The following CREBZF variants were observed in gnomAD, a reference collection of about 807,000 sequenced individuals.
CREBZF encodes the protein CREB/ATF bZIP transcription factor.
Under a neutral mutation model 21.1 loss-of-function variants are expected in CREBZF, and 8 were observed. The ratio of observed to expected loss-of-function variants is 0.38; its 90% CI spans 0.22 to 0.68. The LOEUF is 0.68. Among genes scored for constraint, CREBZF ranks in the 30% least tolerant of loss-of-function variants. The probability of loss-of-function intolerance (pLI) is 0.51; values close to 1 mark genes in which losing one functional copy is unlikely to be tolerated. For missense variants in CREBZF, 518 were observed against 484.3 expected (o/e 1.07, Z -0.65); for synonymous variants, 270 against 223.3 (o/e 1.21, Z -1.86).
At chr11:85,670,580 C>T (rs550556937) in intron 1 of CREBZF, among the ~76,000 whole-genome samples, 5 of 152,208 alleles carry the variant, frequency 3.3e-5, no homozygotes, top group Non-Finnish European at 5.9e-5. Context: ...GGATTACAGG[C>T]GTGAGCCACT....
chr11:85,664,297 G>A lies in CREBZF; in HGVS notation c.579C>T (p.Gly193=), dbSNP rs1478270752. The change falls in exon 1 of 1, where the codon GGC becomes GGT. Residue 193 remains glycine (G), a synonymous_variant. Coordinates refer to ENST00000527447, the MANE Select transcript of CREBZF (RefSeq NM_001039618.4). This position sits in a 1 kb window ranked among gnomAD's most constrained non-coding sequence, Gnocchi z 5.5. ...EKRRRKSPGG[G]GGGGSGNDNN... is the part of the protein sequence containing the mutation. ...TGTCGTTACCGCTGCCGCCACCGCC[G>A]CCTCCTCCTGGGGACTTTCTCCGCC... The A allele has an allele frequency of 1.2e-6, 2 of 1,612,000 alleles. No homozygotes were observed. Among genetic ancestry groups the A allele is most frequent in the East Asian group, 2.2e-5 (1 of 44,780 alleles).
upstream of CREBZF, among the ~76,000 whole-genome samples, chr11:85,668,708 T>C (rs1176850789): frequency 2.0e-5 from 3 of 151,840 alleles, no homozygotes; most frequent in Non-Finnish European, 4.4e-5. Context: ...TTTTATTAGA[T>C]TAAGAAACAT....
chr11:85,671,342 G>C (rs181103691), intron 1 of CREBZF, among the ~76,000 whole-genome samples: 7 of 152,272 alleles, frequency 4.6e-5, no homozygotes, highest in Non-Finnish European at 8.8e-5. Flanking sequence ...AGTTCAAGAT[G>C]ACATTTGGGT....
chr11:85,680,203 T>C (rs957093450), intron 1 of CREBZF, among the ~76,000 whole-genome samples: 1 of 152,238 alleles, frequency 6.6e-6, no homozygotes, highest in African/African-American at 2.4e-5. Context: ...GTTGTGTTTT[T>C]TTCTGCATAT....
intron 1 of CREBZF, among the ~76,000 whole-genome samples, chr11:85,681,548 C>T (rs2082976523): frequency 6.6e-6 from 1 of 152,102 alleles, no homozygotes; most frequent in Admixed American, 6.6e-5. Flanking sequence ...CTTAGGGCAC[C>T]CTGAAGAGCT....
chr11:85,664,205 T>C lies in CREBZF; in HGVS notation c.671A>G (p.Lys224Arg). 6.2e-7 allele frequency: 1 copy of C among 1,613,154 alleles called. No homozygotes were observed. ...CAGCCCCATCACGTACTCCTTCTTC[T>C]TCAGTCGATTAAGGCGGGCAGCGGC... ...AAAAARLNRL[K>R]KKEYVMGLES... Residue 224 changes from lysine to arginine, a missense_variant, in exon 1 of 1, where the codon AAG becomes AGG. Transcript: ENST00000527447. This position sits in a 1 kb window ranked among gnomAD's most constrained non-coding sequence, Gnocchi z 5.5.
chr11:85,664,800 C>A lies in CREBZF; in HGVS notation c.76G>T (p.Ala26Ser). Residue 26 changes from alanine (A) to serine (S), a missense_variant, in exon 1 of 1, where the codon GCT becomes TCT. Coordinates refer to ENST00000527447, the MANE Select transcript of CREBZF (RefSeq NM_001039618.4). This position sits in a 1 kb window ranked among gnomAD's most constrained non-coding sequence, Gnocchi z 5.5. The stretch of plus-strand genomic sequence containing the variant: ...TCAGAGGGCAGCGAACAAGTTGCAG[C>A]CGGCTCCGGGCTCTCACTGCGGGTT... ...SPTRSESPEPAATCSLPSDLT... is the reference protein window; with the variant it reads ...SPTRSESPEPSATCSLPSDLT... The A allele has an allele frequency of 1.3e-6, 2 of 1,577,696 alleles. No individual in the cohort carries two copies. The highest frequency in any genetic ancestry group is 2.3e-5 in the South Asian group (2 of 86,994).
At position 85,659,601 on chromosome 11, in the gene CREBZF, C is replaced by T. The variant is rs978014870; in HGVS notation, c.*4210G>A. ...GCCAATCTCCTACCCAATCCCTCTT[C>T]TATCAGCTGCACATTTCCAAGTAAG... On this transcript the variant is annotated 3_prime_UTR_variant, in exon 1 of 1. Coordinates refer to ENST00000527447, the MANE Select transcript of CREBZF (RefSeq NM_001039618.4). 1.3e-5 allele frequency: 2 copies of T among 152,080 alleles called. No homozygotes were observed. Among genetic ancestry groups the T allele is most frequent in the African/African-American group, 4.8e-5 (2 of 41,430 alleles). The allele number at this position is 152,080 out of a possible 1,614,324, so 9.4% of individuals were successfully genotyped here.
chr11:85,663,931 C>T lies in CREBZF; in HGVS notation c.945G>A (p.Gln315=), dbSNP rs780196227. 1 of 1,613,930 alleles carries T rather than the reference C, an allele frequency of 6.2e-7. No homozygotes were observed. The highest frequency in any genetic ancestry group is 8.5e-7 in the Non-Finnish European group (1 of 1,180,028). Residue 315 remains glutamine (Q), a synonymous_variant, in exon 1 of 1, where the codon CAG becomes CAA. Transcript: ENST00000527447. The part of the protein sequence containing the change: ...DYALPVGKQK[Q]DLLEEDDSAG... ...CCGAGTCGTCCTCTTCCAGCAGGTC[C>T]TGCTTCTGCTTTCCCACCGGCAGAG...
chr11:85,660,973 T>C lies in CREBZF; in HGVS notation c.*2838A>G, dbSNP rs2082658669. 4 of 154,130 alleles carry C rather than the reference T, an allele frequency of 2.6e-5. No homozygotes were observed. The Admixed American group carries it at 2.6e-4, about 10-fold the overall frequency. The allele number at this position is 154,130 out of a possible 1,614,324, so 9.5% of individuals were successfully genotyped here. A position where few individuals can be genotyped will look rare whatever the true frequency, so the allele number is the denominator to read the frequency against. ...CAGTAAATAGAGCCAAACCTAGAAATTTCAAAAACAATCCATTTTATATTC... is the reference window on the plus strand; with the variant it reads ...CAGTAAATAGAGCCAAACCTAGAAACTTCAAAAACAATCCATTTTATATTC... On this transcript the variant is annotated 3_prime_UTR_variant, in exon 1 of 1. Coordinates refer to ENST00000527447, the MANE Select transcript of CREBZF (RefSeq NM_001039618.4).
rs1174614651 is a variant in CREBZF at position 85,664,694 on chromosome 11, C to T, written c.182G>A (p.Gly61Glu). 2 of 1,604,174 alleles carry T rather than the reference C, an allele frequency of 1.2e-6. No individual in the cohort carries two copies. The highest frequency in any genetic ancestry group is 1.7e-6 in the Non-Finnish European group (2 of 1,176,398). Residue 61 changes from glycine (G) to glutamate (E), a missense_variant, in exon 1 of 1, where the codon GGA becomes GAA. This residue lies in a region of CREBZF where 396 missense variants were observed against 324.4 expected (regional missense o/e 1.22). Transcript: ENST00000527447. The surrounding 1 kb of genome is among the most constrained non-coding windows in gnomAD (Gnocchi z 5.5). ...GCTCCCCCTCCCGGCTTCCAACTCT[C>T]CTTCGTCGCCAAACTGCTGCTTGCG... ...PGRKQQFGDE[G>E]ELEAGRGSRG...
Position 85,662,688 on chromosome 11 carries a change from A to C in CREBZF, c.*1123T>G. Reference sequence around the variant, plus strand: ...AAAAAATTATTTTAAAATAGGACAAATACTTTTGAAACACAGAGAATAAGA... The same window carrying C: ...AAAAAATTATTTTAAAATAGGACAACTACTTTTGAAACACAGAGAATAAGA... On this transcript the variant is annotated 3_prime_UTR_variant, in exon 1 of 1. Transcript: ENST00000527447. The C allele has an allele frequency of 2.7e-6, 1 of 376,250 alleles. No homozygotes were observed. Among genetic ancestry groups the C allele is most frequent in the Non-Finnish European group, 4.8e-6 (1 of 210,350 alleles). 23.3% of individuals were successfully genotyped at this position (376,250 alleles called of 1,614,324 possible).
chr11:85,670,461 G>A (rs995760415), intron 1 of CREBZF, among the ~76,000 whole-genome samples: 4 of 151,270 alleles, frequency 2.6e-5, no homozygotes, highest in Non-Finnish European at 4.4e-5. Flanking sequence ...CTACCACCAC[G>A]CCCAACTAAT....
rs1480210917 is a variant in CREBZF at position 85,661,633 on chromosome 11, T to A, written c.*2178A>T. ...TGTTATAGTTTTTAGAAAAATGAACTTACTGCTTTCCAGAACCTTTTAAGA... is the reference window on the plus strand; with the variant it reads ...TGTTATAGTTTTTAGAAAAATGAACATACTGCTTTCCAGAACCTTTTAAGA... On this transcript the variant is annotated 3_prime_UTR_variant, in exon 1 of 1. Transcript: ENST00000527447. 1 of 152,596 alleles carries A rather than the reference T, an allele frequency of 6.6e-6. No individual in the cohort carries two copies. The highest frequency in any genetic ancestry group is 2.4e-5 in the African/African-American group (1 of 41,460). The allele number at this position is 152,596 out of a possible 1,614,324, so 9.5% of individuals were successfully genotyped here. A position where few individuals can be genotyped will look rare whatever the true frequency, so the allele number is the denominator to read the frequency against.
At position 85,661,830 on chromosome 11, in the gene CREBZF, A is replaced by C. The variant is rs1273261691; in HGVS notation, c.*1981T>G. On this transcript the variant is annotated 3_prime_UTR_variant, in exon 1 of 1. Transcript: ENST00000527447. The stretch of plus-strand genomic sequence containing the variant: ...TGCACAAAATTATATACAAAGAAAT[A>C]TATACAAAATGTTCAAGTATTAGTT... The C allele has an allele frequency of 6.6e-6, 1 of 152,520 alleles. No homozygotes were observed. 9.4% of individuals were successfully genotyped at this position (152,520 alleles called of 1,614,324 possible). A position where few individuals can be genotyped will look rare whatever the true frequency, so the allele number is the denominator to read the frequency against.
rs2082802012 is a variant in CREBZF at position 85,664,616 on chromosome 11, G to A, written c.260C>T (p.Ala87Val). The A allele has an allele frequency of 1.9e-6, 3 of 1,613,394 alleles. No individual in the cohort carries two copies. The East Asian group carries it at 6.7e-5, about 36-fold the overall frequency. The change falls in exon 1 of 1, where the codon GCG (alanine) becomes GTG (valine). Residue 87 changes from alanine to valine, a missense_variant. Ala to Val is a moderately conservative substitution (Grantham distance 64). This residue lies in a region of CREBZF where 396 missense variants were observed against 324.4 expected (regional missense o/e 1.22). Coordinates refer to ENST00000527447, the MANE Select transcript of CREBZF (RefSeq NM_001039618.4). The surrounding 1 kb of genome is among the most constrained non-coding windows in gnomAD (Gnocchi z 5.5). The stretch of plus-strand genomic sequence containing the variant: ...CTCTTCCCCCGGGAGGCTGGCGATC[G>A]CCTCCTCCTCCATCTCCTCGGGGGA... The part of the protein sequence containing the change: ...APSPEEMEEE[A>V]IASLPGEETE...
intron 1 of CREBZF, among the ~76,000 whole-genome samples, chr11:85,682,324 G>C (rs1201318784): frequency 6.6e-6 from 1 of 152,134 alleles, no homozygotes; most frequent in Non-Finnish European, 1.5e-5. Context: ...ATTTCTCTTA[G>C]TCTATGTTGT....
Position 85,664,021 on chromosome 11 carries a change from G to A in CREBZF, c.855C>T (p.Ser285=). 1.9e-6 allele frequency: 3 copies of A among 1,612,956 alleles called. No homozygotes were observed. Among genetic ancestry groups the A allele is most frequent in the African/African-American group, 1.3e-5 (1 of 75,040 alleles). The change falls in exon 1 of 1, where the codon AGC becomes AGT. Residue 285 remains serine (S), a synonymous_variant. Transcript: ENST00000527447. This position sits in a 1 kb window ranked among gnomAD's most constrained non-coding sequence, Gnocchi z 5.5. ...TGLARLLSRL[S]GVGLRLTTSL... is the part of the protein sequence containing the mutation. The stretch of plus-strand genomic sequence containing the variant: ...AGGTGGTCAGCCGCAGTCCCACGCC[G>A]CTCAGCCGGCTCAGCAAGCGAGCCA...
At chr11:85,667,187 C>A (rs943160760), upstream of CREBZF, among the ~76,000 whole-genome samples, 3 of 151,644 alleles carry the variant, frequency 2.0e-5, no homozygotes, top group Non-Finnish European at 1.5e-5. Context: ...TAGAGAGACA[C>A]CAACCCCCCA....
Sources: gnomAD v4.1 joint callset for allele counts (sites outside exome capture counted in the v4.1 genomes callset) on GRCh38, gnomAD v4.1.1 for gene constraint, gnomAD v4.1.1 regional missense constraint, Gnocchi (gnomAD v3.1) non-coding constraint, MANE v1.5 for transcripts, NCBI Gene and HGNC (gene_info 2026-07-23, HGNC 2026-07-21) for gene names.